Variants in AUTS2 observed in about 807,000 individuals in gnomAD.
AUTS2 encodes the protein autism susceptibility gene 2 protein.
Under a neutral mutation model 112.4 loss-of-function variants are expected in AUTS2, and 17 were observed. That is an observed-to-expected ratio of 0.15 (90% confidence interval 0.10 to 0.23). The LOEUF (loss-of-function observed/expected upper bound fraction) is 0.23. AUTS2 is among the 10% of genes least tolerant of loss of function. AUTS2 has a pLI of 1.00. For missense variants in AUTS2, 1,510 were observed against 1,701.6 expected, an observed-to-expected ratio of 0.89 and a Z score of 1.98; for synonymous variants, 751 against 702.7, an observed-to-expected ratio of 1.07 and a Z score of -1.09.
intron 4 of AUTS2, among the ~76,000 whole-genome samples, chr7:70,173,375 A>C (rs1286254887): frequency 6.6e-6 from 1 of 151,704 alleles, no homozygotes; most frequent in Admixed American, 6.6e-5. Flanking sequence ...AAAAAAAAAA[A>C]GAAAGAGAGA....
chr7:70,059,009 A>T (rs984838909), intron 2 of AUTS2, among the ~76,000 whole-genome samples: 4 of 152,208 alleles, frequency 2.6e-5, no homozygotes, highest in Non-Finnish European at 4.4e-5. Context: ...ATTAACTGGT[A>T]TTGGCAAAAC....
intron 6 of AUTS2, among the ~76,000 whole-genome samples, chr7:70,716,923 A>T (rs1006551819): frequency 1.3e-5 from 2 of 152,108 alleles, no homozygotes; most frequent in Admixed American, 6.5e-5. Flanking sequence ...CTAATCAATA[A>T]ACATCAAACT....
chr7:69,775,675 T>A (rs1788860845), intron 1 of AUTS2, among the ~76,000 whole-genome samples: 1 of 152,110 alleles, frequency 6.6e-6, no homozygotes, highest in South Asian at 2.1e-4. Context: ...GGCAAGCAGA[T>A]CATTTTCCTA....
At chr7:69,630,633 T>C (rs1191246158) in intron 1 of AUTS2, among the ~76,000 whole-genome samples, 8 of 152,226 alleles carry the variant, frequency 5.3e-5, no homozygotes, top group African/African-American at 1.7e-4. Flanking sequence ...CCTTTCTCTG[T>C]TTTTGTTTGT....
intron 5 of AUTS2, among the ~76,000 whole-genome samples, chr7:70,616,930 T>C (rs574207695): frequency 6.6e-6 from 1 of 152,196 alleles, no homozygotes; most frequent in East Asian, 1.9e-4. Context: ...CACTTCCTCC[T>C]TAGAGACCAG....
chr7:69,760,710 A>T (rs1212552052), intron 1 of AUTS2, among the ~76,000 whole-genome samples: 1 of 152,120 alleles, frequency 6.6e-6, no homozygotes, highest in Non-Finnish European at 1.5e-5. Flanking sequence ...AATCCCAGCT[A>T]CTCAGGAGGC....
At chr7:69,733,617 T>A (rs1038927187) in intron 1 of AUTS2, among the ~76,000 whole-genome samples, 14 of 152,156 alleles carry the variant, frequency 9.2e-5, no homozygotes, top group African/African-American at 2.4e-4. Context: ...CAAAGTTTTT[T>A]AAATTTTATT....
At chr7:70,204,159 T>C (rs12698868) in intron 4 of AUTS2, among the ~76,000 whole-genome samples, 15,856 of 152,148 alleles carry the variant, frequency 0.1, 883 homozygotes, top group Admixed American at 0.13. Context: ...TAAGAGGAAT[T>C]TGTTGCCATT....
At chr7:70,420,718 G>A (rs1795182573) in intron 4 of AUTS2, among the ~76,000 whole-genome samples, 1 of 152,190 alleles carries the variant, frequency 6.6e-6, no homozygotes, top group African/African-American at 2.4e-5. Flanking sequence ...TTCCATTTAT[G>A]TAAAATTTTT....
At chr7:70,280,020 CAT>C (rs1452210560) in intron 4 of AUTS2, among the ~76,000 whole-genome samples, 1 of 152,184 alleles carries the variant, frequency 6.6e-6, no homozygotes, top group Non-Finnish European at 1.5e-5. Context: ...TAGTTGAACA[CAT>C]AGTTCTTTAC....
At chr7:69,884,546 T>G (rs943990001) in intron 1 of AUTS2, among the ~76,000 whole-genome samples, 1 of 152,232 alleles carries the variant, frequency 6.6e-6, no homozygotes, top group Non-Finnish European at 1.5e-5. Context: ...GCCTGCAGTT[T>G]AATAAACTTT....
chr7:70,707,595 G>A (rs1366852834), intron 6 of AUTS2, among the ~76,000 whole-genome samples: 4 of 152,076 alleles, frequency 2.6e-5, no homozygotes, highest in Admixed American at 6.5e-5. Context: ...GCTTCCCTAG[G>A]GCTTTTCCTC....
intron 2 of AUTS2, among the ~76,000 whole-genome samples, chr7:70,031,002 A>C (rs376496155): frequency 6.6e-6 from 1 of 152,130 alleles, no homozygotes; most frequent in East Asian, 1.9e-4. Flanking sequence ...AGGAGCCACA[A>C]AATGCTATTC....
intron 2 of AUTS2, among the ~76,000 whole-genome samples, chr7:69,957,509 C>A (rs1334069158): frequency 6.6e-6 from 1 of 151,968 alleles, no homozygotes; most frequent in Admixed American, 6.6e-5. Flanking sequence ...ATCTTTGTGT[C>A]ATTCCTTATG....
chr7:69,984,640 G>A lies in AUTS2; in HGVS notation c.522+85142G>A, dbSNP rs768843377. 2.4e-4 allele frequency among the ~76,000 whole-genome samples: 37 copies of A among 152,120 alleles called. 1 individual carries two copies. The highest frequency in any genetic ancestry group is 4.9e-4 in the Non-Finnish European group (33 of 68,016). On this transcript the variant is annotated intron_variant, in intron 2 of 18. Coordinates refer to ENST00000342771, the MANE Select transcript of AUTS2 (RefSeq NM_015570.4). The stretch of plus-strand genomic sequence containing the variant: ...GAGGTCAGACACTTTCCCCCACGCT[G>A]AGAACAGTATCCACTGCCTCTGAGG...
At chr7:70,497,003 G>A (rs1444251253) in intron 5 of AUTS2, among the ~76,000 whole-genome samples, 2 of 92,330 alleles carry the variant, frequency 2.2e-5, no homozygotes, top group Non-Finnish European at 4.2e-5. Context: ...CACACACCAC[G>A]TACACAGTCA....
intron 6 of AUTS2, among the ~76,000 whole-genome samples, chr7:70,709,788 G>C (rs997541070): frequency 1.3e-5 from 2 of 152,242 alleles, no homozygotes; most frequent in African/African-American, 2.4e-5. Context: ...TTCCCTGCTA[G>C]CTGTGAAAGA....
intron 1 of AUTS2, among the ~76,000 whole-genome samples, chr7:69,614,368 T>TTTCTTTCTTTCTTTCTTTCTTTCTTTC: frequency 5.1e-5 from 1 of 19,536 alleles, no homozygotes; most frequent in African/African-American, 1.9e-4. Flanking sequence ...TTCTTTCTTT[T>TTTCTTTCTTTCTTTCTTTCTTTCTTTC]TTTAAGAGAT....
At chr7:70,303,906 G>T (rs2129614053) in intron 4 of AUTS2, among the ~76,000 whole-genome samples, 1 of 152,252 alleles carries the variant, frequency 6.6e-6, no homozygotes, top group East Asian at 1.9e-4. Flanking sequence ...GGAAGGGGAA[G>T]CATCAATGGC....
Sources: gnomAD v4.1 joint callset for allele counts (sites outside exome capture counted in the v4.1 genomes callset) on GRCh38, gnomAD v4.1.1 for gene constraint, MANE v1.5 for transcripts, NCBI Gene and HGNC (gene_info 2026-07-23, HGNC 2026-07-21) for gene names.